The following DMD variants were observed in gnomAD, a reference collection of about 807,000 sequenced individuals.
DMD encodes the protein mutant dystrophin.
DMD carries 63 observed loss-of-function variants against 330.1 expected under a neutral mutation model. The ratio of observed to expected loss-of-function variants is 0.19; its 90% CI spans 0.16 to 0.24. DMD has a LOEUF of 0.24. Among genes scored for constraint, DMD ranks in the 10% least tolerant of loss-of-function variants. The probability of loss-of-function intolerance (pLI) is 1.00; values close to 1 mark genes in which losing one functional copy is unlikely to be tolerated. For missense variants in DMD, 3,344 were observed against 2,684.1 expected, an observed-to-expected ratio of 1.25 and a Z score of -5.43; for synonymous variants, 1,223 against 959.8, an observed-to-expected ratio of 1.27 and a Z score of -5.07.
chrX:32,570,188 GCA>G (rs760649374), intron 15 of DMD, among the ~76,000 whole-genome samples: 5 of 111,385 alleles, frequency 4.5e-5, no homozygotes, highest in Non-Finnish European at 7.5e-5. Context: ...AGAGAGTTTA[GCA>G]CAGTGTATCT....
At chrX:32,714,499 T>G (rs1006708133) in intron 7 of DMD, among the ~76,000 whole-genome samples, 1 of 111,966 alleles carries the variant, frequency 8.9e-6, no homozygotes, top group Non-Finnish European at 1.9e-5. Flanking sequence ...AGACATAATT[T>G]TATTCCTTTG....
intron 2 of DMD, among the ~76,000 whole-genome samples, chrX:33,006,032 T>C (rs768213093): frequency 9.0e-6 from 1 of 111,191 alleles, no homozygotes; most frequent in Non-Finnish European, 1.9e-5. Flanking sequence ...TACTGAGGAA[T>C]AAATCTAAAA....
chrX:32,358,046 C>A (rs955635266), intron 37 of DMD, among the ~76,000 whole-genome samples: 11 of 110,082 alleles, frequency 1.0e-4, no homozygotes, highest in Non-Finnish European at 9.5e-5. Flanking sequence ...TCGTATTTTA[C>A]CTAGCAATAG....
At chrX:32,464,770 T>C (rs371436874) in intron 23 of DMD, 71 bp from the exon 24 acceptor site, 2 of 765,883 alleles carry the variant, frequency 2.6e-6, no homozygotes, top group South Asian at 4.2e-5. Context: ...CATTGTGTTA[T>C]GTCTAAACAC....
chrX:32,763,532 A>T (rs974851322), intron 7 of DMD, among the ~76,000 whole-genome samples: 1 of 111,673 alleles, frequency 9.0e-6, no homozygotes, highest in Non-Finnish European at 1.9e-5. Flanking sequence ...TTACTACTAG[A>T]CTAATACTTG....
intron 9 of DMD, among the ~76,000 whole-genome samples, chrX:32,681,666 G>A (rs915567377): frequency 1.3e-4 from 15 of 111,745 alleles, no homozygotes; most frequent in African/African-American, 4.9e-4. Context: ...TAAAAGAAAC[G>A]TGATGCTTTC....
At chrX:32,894,714 G>A (rs1187919354) in intron 2 of DMD, among the ~76,000 whole-genome samples, 1 of 112,309 alleles carries the variant, frequency 8.9e-6, no homozygotes, top group Non-Finnish European at 1.9e-5. Flanking sequence ...AGGTGTGTCT[G>A]CAGTACAGGG....
intron 1 of DMD, among the ~76,000 whole-genome samples, chrX:33,175,166 T>G (rs776002627): frequency 1.2e-4 from 14 of 112,291 alleles, no homozygotes; most frequent in African/African-American, 4.5e-4. Flanking sequence ...AAAGAAGCTA[T>G]CTGATTACTG....
At chrX:32,016,304 T>G (rs980514894) in intron 44 of DMD, among the ~76,000 whole-genome samples, 1 of 111,649 alleles carries the variant, frequency 9.0e-6, no homozygotes, top group Non-Finnish European at 1.9e-5. Context: ...TCACCCTTAC[T>G]CATCTATCAC....
At chrX:32,280,687 C>A (rs954856661) in intron 43 of DMD, among the ~76,000 whole-genome samples, 1 of 111,873 alleles carries the variant, frequency 8.9e-6, no homozygotes, top group South Asian at 3.7e-4. Context: ...TAGGAACAAA[C>A]AATTCTGGAA....
At chrX:32,248,497 T>G (rs893180195) in intron 43 of DMD, among the ~76,000 whole-genome samples, 1 of 110,743 alleles carries the variant, frequency 9.0e-6, no homozygotes, top group African/African-American at 3.3e-5. Flanking sequence ...TGACTCAAAT[T>G]ATAATTAAAA....
chrX:32,385,540 C>T lies in DMD; in HGVS notation c.4674+770G>A, dbSNP rs370408145. ...CACAGGCAACAAGAGGAAAACTAGA[C>T]GACTGTTATCGCATCAACCTAAAAA... On this transcript the variant is annotated intron_variant, in intron 33 of 78. Transcript: ENST00000357033. Among the ~76,000 whole-genome samples, 32 of 110,692 alleles carry T rather than the reference C, an allele frequency of 2.9e-4. No homozygotes were observed. In the East Asian group the frequency reaches 8.5e-3, roughly 29 times the overall value.
At chrX:31,763,777 A>G (rs1295606872) in intron 51 of DMD, among the ~76,000 whole-genome samples, 1 of 112,300 alleles carries the variant, frequency 8.9e-6, no homozygotes, top group Admixed American at 9.4e-5. Context: ...ATTTGGTCAG[A>G]ACTCACACCT....
intron 2 of DMD, among the ~76,000 whole-genome samples, chrX:33,011,316 CCT>C (rs888311837): frequency 9.0e-6 from 1 of 111,454 alleles, no homozygotes; most frequent in Non-Finnish European, 1.9e-5. Flanking sequence ...CCTCTCACAA[CCT>C]CTCTTCTTCA....
Position 31,178,696 on chromosome X carries a change from G to C in DMD, c.10196C>G (p.Thr3399Ser). 8.3e-7 allele frequency: 1 copy of C among 1,209,587 alleles called. No homozygotes were observed. Among genetic ancestry groups the C allele is most frequent in the Non-Finnish European group, 1.1e-6 (1 of 894,601 alleles). The change falls in exon 70 of 79, where the codon ACT becomes AGT. Residue 3399 changes from threonine to serine, a missense_variant. Transcript: ENST00000357033. ...TTCCATGTTGTCCCCCTCTAAGACA[G>C]TCTGCACTGGCAGGTAGCCCATTCG... Reference protein sequence around the residue: ...HPRMGYLPVQTVLEGDNMETP... With the variant: ...HPRMGYLPVQSVLEGDNMETP...
intron 9 of DMD, among the ~76,000 whole-genome samples, chrX:32,653,196 C>G (rs1043837227): frequency 4.5e-5 from 5 of 112,031 alleles, no homozygotes; most frequent in Admixed American, 9.5e-5. Context: ...ACTCTTGTTG[C>G]CATTGCTTTT....
intron 1 of DMD, among the ~76,000 whole-genome samples, chrX:33,309,278 C>A (rs73461924): frequency 9.0e-6 from 1 of 111,068 alleles, no homozygotes; most frequent in Non-Finnish European, 1.9e-5. Flanking sequence ...TGCTCTAGCG[C>A]GCTATGTTAT....
At chrX:32,917,981 GAAAAAAA>G (rs200449126) in intron 2 of DMD, among the ~76,000 whole-genome samples, 1,325 of 88,263 alleles carry the variant, frequency 0.015, 9 homozygotes, top group South Asian at 0.049. Flanking sequence ...TCATCTGCTA[GAAAAAAA>G]AAAAAAAAGA....
chrX:31,185,684 C>G (rs1408771721), intron 67 of DMD, among the ~76,000 whole-genome samples: 2 of 111,159 alleles, frequency 1.8e-5, no homozygotes, highest in Non-Finnish European at 3.8e-5. Flanking sequence ...CGTAGGTCTG[C>G]TTCTATGGTT....
Sources: gnomAD v4.1 joint callset for allele counts (sites outside exome capture counted in the v4.1 genomes callset) on GRCh38, gnomAD v4.1.1 for gene constraint, MANE v1.5 for transcripts, NCBI Gene and HGNC (gene_info 2026-07-23, HGNC 2026-07-21) for gene names.